Variants in USP32 observed in about 807,000 individuals in gnomAD.
USP32 encodes the protein ubiquitin specific peptidase 32, also known as ubiquitin carboxyl-terminal hydrolase 32.
Under a neutral mutation model 204.8 loss-of-function variants are expected in USP32, and 59 were observed. The observed-to-expected ratio is 0.29, with a 90% CI of 0.23 to 0.36. The LOEUF (loss-of-function observed/expected upper bound fraction) is 0.36. USP32 is among the 10% of genes least tolerant of loss of function. USP32 has a pLI of 1.00. For synonymous variants in USP32, 517 were observed against 678.4 expected (o/e 0.76, Z 3.70); for missense variants, 1,160 against 1,946.4 (o/e 0.60, Z 7.60).
chr17:60,220,088 C>T (rs2085206004), intron 15 of USP32, among the ~76,000 whole-genome samples: 1 of 151,430 alleles, frequency 6.6e-6, no homozygotes, highest in Admixed American at 6.6e-5. Flanking sequence ...AATTCTACTA[C>T]CCTCACACCA....
chr17:60,193,206 A>C (rs1208825360), intron 27 of USP32, among the ~76,000 whole-genome samples: 1 of 152,248 alleles, frequency 6.6e-6, no homozygotes, highest in Non-Finnish European at 1.5e-5. Flanking sequence ...ATTTTATAAG[A>C]TAAGCTAATC....
At chr17:60,316,802 T>C (rs779519460) in intron 2 of USP32, among the ~76,000 whole-genome samples, 21 of 152,066 alleles carry the variant, frequency 1.4e-4, no homozygotes, top group African/African-American at 3.6e-4. Flanking sequence ...AATCACACTA[T>C]TGCACTCCAG....
At chr17:60,244,694 C>T (rs1463022572) in intron 11 of USP32, among the ~76,000 whole-genome samples, 5 of 152,188 alleles carry the variant, frequency 3.3e-5, no homozygotes, top group Non-Finnish European at 5.9e-5. Context: ...AGCAGGCGTT[C>T]CATCTCAGCT....
chr17:60,242,561 C>T (rs746331736), intron 11 of USP32, among the ~76,000 whole-genome samples: 5 of 152,254 alleles, frequency 3.3e-5, no homozygotes, highest in Non-Finnish European at 7.4e-5. Flanking sequence ...CAGTCGTGTG[C>T]CACCATGCCT....
chr17:60,236,608 A>T (rs2145638462), intron 11 of USP32, among the ~76,000 whole-genome samples: 1 of 152,312 alleles, frequency 6.6e-6, no homozygotes, highest in Non-Finnish European at 1.5e-5. Context: ...ATATATATAA[A>T]ACTTACCTAT....
upstream of USP32, chr17:60,392,378 C>G (rs561429123): frequency 3.8e-6 from 1 of 261,822 alleles, no homozygotes; most frequent in Non-Finnish European, 7.6e-6. Flanking sequence ...CATCTCCGCA[C>G]GTAACGCATC....
chr17:60,239,906 G>A (rs2085831781), intron 11 of USP32, among the ~76,000 whole-genome samples: 1 of 152,012 alleles, frequency 6.6e-6, no homozygotes, highest in Non-Finnish European at 1.5e-5. Context: ...GCTAATTTTT[G>A]TATATTTTTT....
At chr17:60,233,938 A>C (rs767004963) in intron 12 of USP32, among the ~76,000 whole-genome samples, 6 of 151,676 alleles carry the variant, frequency 4.0e-5, no homozygotes, top group Admixed American at 6.6e-5. Context: ...TGTAACTCTA[A>C]GTTTGCCTTT....
intron 3 of USP32, among the ~76,000 whole-genome samples, chr17:60,299,550 C>A (rs893307814): frequency 6.6e-6 from 1 of 152,212 alleles, no homozygotes; most frequent in African/African-American, 2.4e-5. Flanking sequence ...TGGGTGTGGA[C>A]CCCTCATGAT....
chr17:60,228,523 A>G (rs1164072438), intron 12 of USP32, among the ~76,000 whole-genome samples: 2 of 145,526 alleles, frequency 1.4e-5, no homozygotes, highest in East Asian at 3.9e-4. Flanking sequence ...TTTTTTAATT[A>G]AAACAAGTTT....
intron 2 of USP32, among the ~76,000 whole-genome samples, chr17:60,341,301 T>G (rs2088652521): frequency 6.6e-6 from 1 of 152,126 alleles, no homozygotes; most frequent in African/African-American, 2.4e-5. Context: ...CTTTTTGCAG[T>G]GGCTGGTAGC....
rs575209559 is a variant in USP32, at chr17:60,314,235, G to A, written c.187-12531C>T. 8.3e-4 allele frequency among the ~76,000 whole-genome samples: 124 copies of A among 148,734 alleles called. No individual in the cohort carries two copies. The South Asian group carries it at 0.01, about 12-fold the overall frequency. On this transcript the variant is annotated intron_variant, in intron 2 of 33. Coordinates refer to ENST00000300896, the MANE Select transcript of USP32 (RefSeq NM_032582.4). The stretch of plus-strand genomic sequence containing the variant: ...TGGCTCACTGCAACCTCTGCCTCCC[G>A]GGCTCAAGCAATCGTCCCACCTCAG...
chr17:60,281,717 T>A (rs952240030), intron 5 of USP32, among the ~76,000 whole-genome samples: 1 of 152,176 alleles, frequency 6.6e-6, no homozygotes, highest in African/African-American at 2.4e-5. Flanking sequence ...ACAGCAATAG[T>A]AAGTGGCAGG....
chr17:60,238,648 C>CA (rs1448380261), intron 11 of USP32, among the ~76,000 whole-genome samples: 1 of 151,856 alleles, frequency 6.6e-6, no homozygotes, highest in East Asian at 1.9e-4. Context: ...ACTAAAAATA[C>CA]AAAAAAATTA....
Position 60,391,909 on chromosome 17 carries a change from G to A in USP32, c.31C>T (p.Leu11Phe), listed in dbSNP as rs907003728. The A allele has an allele frequency of 6.2e-7, 1 of 1,612,128 alleles. No individual in the cohort carries two copies. Among genetic ancestry groups the A allele is most frequent in the Non-Finnish European group, 8.5e-7 (1 of 1,179,294 alleles). ...CTCCTCAGCGCCTCCTCGTAGCTGA[G>A]GAATCCGATCCGTGACTCCTTGGCA... MGAKESRIGF[L>F]SYEEALRRVT... The change falls in exon 1 of 34, where the codon CTC (leucine) becomes TTC (phenylalanine). Residue 11 changes from leucine (L) to phenylalanine (F), a missense_variant. By Grantham distance (22) the Leu-to-Phe change is conservative. Transcript: ENST00000300896.
chr17:60,327,409 G>C (rs969012692), intron 2 of USP32, among the ~76,000 whole-genome samples: 2 of 152,082 alleles, frequency 1.3e-5, no homozygotes. Context: ...GTGGGTTGGT[G>C]GGGGGCGGGG....
At position 60,180,619 on chromosome 17, in the gene USP32, C is replaced by A; in HGVS notation, c.4567G>T (p.Gly1523Cys). 2 of 1,613,534 alleles carry A rather than the reference C, an allele frequency of 1.2e-6. No individual in the cohort carries two copies. Among genetic ancestry groups the A allele is most frequent in the Non-Finnish European group, 1.7e-6 (2 of 1,179,710 alleles). ...GCATAAGTGACGTAATGGCCCCCAC[C>A]CAGAATTCCTGAATGGCACTGTAAG... The part of the protein sequence containing the change: ...YAISCHSGIL[G>C]GGHYVTYAKN... The change falls in exon 33 of 34, where the codon GGT (glycine) becomes TGT (cysteine). Residue 1523 changes from glycine to cysteine, a missense_variant. By Grantham distance (159) the Gly-to-Cys change is radical. Coordinates refer to ENST00000300896, the MANE Select transcript of USP32 (RefSeq NM_032582.4).
At chr17:60,210,782 T>C (rs1170941514) in intron 21 of USP32, among the ~76,000 whole-genome samples, 1 of 152,278 alleles carries the variant, frequency 6.6e-6, no homozygotes, top group African/African-American at 2.4e-5. Context: ...GTAAAATGAA[T>C]GACATCCCGA....
At chr17:60,337,813 C>T (rs2088558357) in intron 2 of USP32, among the ~76,000 whole-genome samples, 3 of 151,294 alleles carry the variant, frequency 2.0e-5, no homozygotes, top group Non-Finnish European at 2.9e-5. Context: ...CCTGGGAGGT[C>T]GAGGCTACAA....
Sources: allele counts gnomAD v4.1 joint callset (sites outside exome capture counted in the v4.1 genomes callset), GRCh38; gene constraint gnomAD v4.1.1; transcripts MANE v1.5; gene names NCBI Gene and HGNC (gene_info 2026-07-23, HGNC 2026-07-21).